MAPKBP1: variants seen among roughly 807,000 people sequenced by gnomAD.
MAPKBP1 encodes mitogen-activated protein kinase-binding protein 1.
A neutral mutation model predicts 170.5 loss-of-function variants in MAPKBP1; 71 were observed. The ratio of observed to expected loss-of-function variants is 0.42; its 90% CI spans 0.34 to 0.51. The LOEUF is 0.51. Among genes scored for constraint, MAPKBP1 ranks in the 20% least tolerant of loss-of-function variants. The probability of loss-of-function intolerance (pLI) is 0.06; values close to 1 mark genes in which losing one functional copy is unlikely to be tolerated. For synonymous variants in MAPKBP1, 719 were observed against 757.9 expected, an observed-to-expected ratio of 0.95 and a Z score of 0.84; for missense variants, 1,598 against 1,933.0, an observed-to-expected ratio of 0.83 and a Z score of 3.25.
chr15:41,806,640 CTG>C (rs2064700542), intron 3 of MAPKBP1, among the ~76,000 whole-genome samples: 2 of 152,218 alleles, frequency 1.3e-5, no homozygotes, highest in African/African-American at 2.4e-5. Context: ...TTACGTCCTT[CTG>C]TGAGAGTGAG....
intron 3 of MAPKBP1, among the ~76,000 whole-genome samples, chr15:41,802,339 C>T (rs537674462): frequency 6.6e-6 from 1 of 152,250 alleles, no homozygotes; most frequent in Non-Finnish European, 1.5e-5. Context: ...ATTTTAAAAA[C>T]ATACATTCAA....
chr15:41,803,206 G>GGA (rs2152075191), intron 3 of MAPKBP1, among the ~76,000 whole-genome samples: 1 of 152,002 alleles, frequency 6.6e-6, no homozygotes, highest in Admixed American at 6.6e-5. Flanking sequence ...CCTGAGGTCA[G>GGA]GAGTTCAAGA....
rs1456364249 is a variant in MAPKBP1 at position 41,822,943 on chromosome 15, C to T, written c.3319C>T (p.Pro1107Ser). The T allele has an allele frequency of 6.2e-7, 1 of 1,604,112 alleles. No individual in the cohort carries two copies. Among genetic ancestry groups the T allele is most frequent in the Admixed American group, 1.7e-5 (1 of 59,644 alleles). ...TCCCACATGTTCTCCCTGTAGGGAACCATCCCCATCCTCCTCAAGCCTGGC... is the reference window on the plus strand; with the variant it reads ...TCCCACATGTTCTCCCTGTAGGGAATCATCCCCATCCTCCTCAAGCCTGGC... ...LQVQTRPLRE[P>S]SPSSSSLALM... is the part of the protein sequence containing the mutation. Residue 1107 changes from proline to serine, a missense_variant, in exon 28 of 31, where the codon CCA becomes TCA. Pro to Ser is a moderately conservative substitution (Grantham distance 74, BLOSUM62 -1). Around this residue, in one of 6 missense-constraint regions of MAPKBP1, gnomAD observed 942 missense variants for 953.2 expected, o/e 0.99. Transcript: ENST00000457542.
intron 3 of MAPKBP1, among the ~76,000 whole-genome samples, chr15:41,808,998 C>T (rs62002091): frequency 0.28 from 41,401 of 148,578 alleles, 6,735 homozygotes; most frequent in Admixed American, 0.37. Flanking sequence ...CCCAGGAGGT[C>T]GAGGCTGCAG....
chr15:41,823,013 A>C lies in MAPKBP1; in HGVS notation c.3389A>C (p.Gln1130Pro). Residue 1130 changes from glutamine to proline, a missense_variant, in exon 28 of 31, where the codon CAG becomes CCG. Physicochemically the swap from Gln to Pro is moderately conservative, Grantham distance 76. Transcript: ENST00000457542. ...CAGGTGCCACAGGCATCTGGTGAGC[A>C]GCCGAGAGGCAATGGTGCCAATCCC... is the stretch of plus-strand genomic sequence containing the variant. ...PAQVPQASGE[Q>P]PRGNGANPPG... is the part of the protein sequence containing the mutation. 6.2e-7 allele frequency: 1 copy of C among 1,614,068 alleles called. No homozygotes were observed. Among genetic ancestry groups the C allele is most frequent in the Non-Finnish European group, 8.5e-7 (1 of 1,179,994 alleles).
Position 41,822,644 on chromosome 15 carries a change from G to A in MAPKBP1, c.3281G>A (p.Arg1094Gln), listed in dbSNP as rs142123988. ...ERSESRSISS[R>Q]FLLQVQTRPL... ...TCAGAGTCTCGGAGTATCTCTTCAC[G>A]ATTCCTGTTGCAAGTACAGACCCGC... is the stretch of plus-strand genomic sequence containing the variant. The change falls in exon 27 of 31, where the codon CGA (arginine) becomes CAA (glutamine). Residue 1094 changes from arginine (R) to glutamine (Q), a missense_variant. Around this residue, in one of 6 missense-constraint regions of MAPKBP1, gnomAD observed 942 missense variants for 953.2 expected, o/e 0.99. Coordinates refer to ENST00000457542, the MANE Select transcript of MAPKBP1 (RefSeq NM_014994.3). The A allele has an allele frequency of 2.3e-5, 37 of 1,614,068 alleles. No homozygotes were observed. The highest frequency in any genetic ancestry group is 2.5e-5 in the Non-Finnish European group (30 of 1,179,970).
At chr15:41,794,046 A>G (rs1053086350) in intron 2 of MAPKBP1, among the ~76,000 whole-genome samples, 3 of 152,154 alleles carry the variant, frequency 2.0e-5, no homozygotes, top group African/African-American at 7.2e-5. Flanking sequence ...CCTGGGCAAC[A>G]TGGTGAAACC....
intron 3 of MAPKBP1, among the ~76,000 whole-genome samples, chr15:41,800,833 G>A (rs886333172): frequency 6.6e-6 from 1 of 152,232 alleles, no homozygotes; most frequent in Non-Finnish European, 1.5e-5. Flanking sequence ...GCTGACTGCA[G>A]CCTCAGCCTC....
At position 41,817,996 on chromosome 15, in the gene MAPKBP1, A is replaced by T. The variant is rs368254621; in HGVS notation, c.1905-13A>T. 1.9e-6 allele frequency: 3 copies of T among 1,613,158 alleles called. No individual in the cohort carries two copies. In the Admixed American group the frequency reaches 5.0e-5, roughly 27 times the overall value. On this transcript the variant is annotated splice_polypyrimidine_tract_variant and intron_variant, in intron 16 of 30. Coordinates refer to ENST00000457542, the MANE Select transcript of MAPKBP1 (RefSeq NM_014994.3). This position sits in a 1 kb window ranked among gnomAD's most constrained non-coding sequence, Gnocchi z 4.2. ...ACCGCCTCCTCATGAGAAAGAGACT[A>T]TGTTTCTTACAGGATATTTAACATC...
intron 2 of MAPKBP1, 55 bp downstream of exon 2, chr15:41,775,444 TC>T (rs1258436138): frequency 1.5e-6 from 2 of 1,311,136 alleles, no homozygotes; most frequent in Non-Finnish European, 2.2e-6. Context: ...TGCTCCATGT[TC>T]CTCGTTAACC....
intron 2 of MAPKBP1, among the ~76,000 whole-genome samples, chr15:41,777,984 C>T (rs1007893249): frequency 5.9e-5 from 9 of 152,168 alleles, no homozygotes; most frequent in African/African-American, 2.2e-4. Context: ...CCAAATTGTA[C>T]ACTTATTTTT....
At position 41,818,745 on chromosome 15, in the gene MAPKBP1, A is replaced by G. The variant is rs1441930382; in HGVS notation, c.2157-78A>G. 1.9e-6 allele frequency: 3 copies of G among 1,584,854 alleles called. No individual in the cohort carries two copies. The highest frequency in any genetic ancestry group is 2.7e-5 in the African/African-American group (2 of 74,214). ...GGAGGGTGGCTCTGGTCTCCTTGCC[A>G]TCCATGGATAAGGGGAACGAATGGC... is the stretch of plus-strand genomic sequence containing the variant. On this transcript the variant is annotated intron_variant, in intron 19 of 30. Coordinates refer to ENST00000457542, the MANE Select transcript of MAPKBP1 (RefSeq NM_014994.3). This position sits in a 1 kb window ranked among gnomAD's most constrained non-coding sequence, Gnocchi z 5.2.
At position 41,806,441 on chromosome 15, in the gene MAPKBP1, A is replaced by G. The variant is rs551630886; in HGVS notation, c.207-4442A>G. Among the ~76,000 whole-genome samples, 6 of 152,306 alleles carry G rather than the reference A, an allele frequency of 3.9e-5. No individual in the cohort carries two copies. In the South Asian group the frequency reaches 1.2e-3, roughly 32 times the overall value. ...TCCCTGTGTCTGTGCTGCCCCATGC[A>G]TAGCTCATCCCATCTGGGGGATGGA... On this transcript the variant is annotated intron_variant, in intron 3 of 30. Transcript: ENST00000457542.
chr15:41,819,081 A>T lies in MAPKBP1; in HGVS notation c.2291+124A>T. 3 of 1,482,790 alleles carry T rather than the reference A, an allele frequency of 2.0e-6. No individual in the cohort carries two copies. In the South Asian group the frequency reaches 3.8e-5, roughly 19 times the overall value. 91.9% of individuals were successfully genotyped at this position (1,482,790 alleles called of 1,614,324 possible). A position where few individuals can be genotyped will look rare whatever the true frequency, so the allele number is the denominator to read the frequency against. On this transcript the variant is annotated intron_variant, in intron 20 of 30. Coordinates refer to ENST00000457542, the MANE Select transcript of MAPKBP1 (RefSeq NM_014994.3). ...TCTGTCTCCCAAGACCTTACCTCTC[A>T]CACAAGGATCCATGATGTCAGCCTC...
At chr15:41,813,338 C>G (rs1326008355) in intron 8 of MAPKBP1, 2 of 1,527,802 alleles carry the variant, frequency 1.3e-6, no homozygotes, top group Non-Finnish European at 1.8e-6. Context: ...AGAACATAGA[C>G]AGCTTCACAG....
At chr15:41,804,801 C>G (rs2064661519) in intron 3 of MAPKBP1, among the ~76,000 whole-genome samples, 1 of 152,252 alleles carries the variant, frequency 6.6e-6, no homozygotes, top group African/African-American at 2.4e-5. Context: ...TGCCCCTAAT[C>G]TGTTCCCTGA....
Position 41,786,777 on chromosome 15 carries a change from A to AAAAAAAAAAATATATATATATATATAT in MAPKBP1, c.114+11389_114+11390insAAAAAAAAATATATATATATATATATA. Among the ~76,000 whole-genome samples the AAAAAAAAAAATATATATATATATATAT allele has an allele frequency of 2.8e-4, 9 of 32,442 alleles. 1 individual carries two copies. The highest frequency in any genetic ancestry group is 3.9e-4 in the Non-Finnish European group (7 of 18,008). The allele number at this position is 32,442 out of a possible 152,430, so 21.3% of individuals were successfully genotyped here. A position where few individuals can be genotyped will look rare whatever the true frequency, so the allele number is the denominator to read the frequency against. ...CAGACTCCGTCTAAAAAAAAAAAAAAATATATATATATATATATATATATA... is the reference window on the plus strand; with the variant it reads ...CAGACTCCGTCTAAAAAAAAAAAAAAAAAAAAAAAATATATATATATATATATATATATATATATATATATATATATA... On this transcript the variant is annotated intron_variant, in intron 2 of 30. Transcript: ENST00000457542.
chr15:41,822,425 G>A lies in MAPKBP1; in HGVS notation c.3229+3G>A, dbSNP rs74014621. 5.8e-3 allele frequency: 9,344 copies of A among 1,613,344 alleles called. 537 individuals carry two copies. The African/African-American group carries it at 0.11, about 19-fold the overall frequency. ...TCTGGCCAGTGGAGCTGCTCCAGGTGTGGTCAGAGGGCCAGCATTTAGTGC... is the reference window on the plus strand; with the variant it reads ...TCTGGCCAGTGGAGCTGCTCCAGGTATGGTCAGAGGGCCAGCATTTAGTGC... On this transcript the variant is annotated splice_donor_region_variant and intron_variant, in intron 26 of 30. Coordinates refer to ENST00000457542, the MANE Select transcript of MAPKBP1 (RefSeq NM_014994.3).
intron 3 of MAPKBP1, among the ~76,000 whole-genome samples, chr15:41,809,154 A>T (rs1207395908): frequency 6.6e-6 from 1 of 151,722 alleles, no homozygotes; most frequent in Non-Finnish European, 1.5e-5. Flanking sequence ...AGGATGAGGC[A>T]GGAGGATTAC....
Sources: allele counts gnomAD v4.1 joint callset (sites outside exome capture counted in the v4.1 genomes callset), GRCh38; gene constraint gnomAD v4.1.1; regional missense constraint gnomAD v4.1.1; non-coding constraint Gnocchi (gnomAD v3.1); transcripts MANE v1.5; gene names NCBI Gene and HGNC (gene_info 2026-07-23, HGNC 2026-07-21).